Variants in PTPRD observed in about 807,000 individuals in gnomAD.
PTPRD encodes the protein receptor-type tyrosine-protein phosphatase delta.
PTPRD carries 34 observed loss-of-function variants against 214.5 expected under a neutral mutation model. The observed-to-expected ratio is 0.16, with a 90% CI of 0.12 to 0.21. PTPRD has a LOEUF of 0.21. Among genes scored for constraint, PTPRD ranks in the 10% least tolerant of loss-of-function variants. PTPRD has a pLI of 1.00. For missense variants in PTPRD, 2,545 were observed against 2,398.7 expected (o/e 1.06, Z -1.27); for synonymous variants, 1,128 against 845.7 (o/e 1.33, Z -5.79).
At chr9:9,179,903 G>C (rs1404285905) in intron 10 of PTPRD, among the ~76,000 whole-genome samples, 1 of 151,908 alleles carries the variant, frequency 6.6e-6, no homozygotes, top group Non-Finnish European at 1.5e-5. Flanking sequence ...TTTTCTGTGA[G>C]GAGTAAATGT....
intron 2 of PTPRD, among the ~76,000 whole-genome samples, chr9:10,413,323 G>A (rs78586105): frequency 0.026 from 3,889 of 151,866 alleles, 107 homozygotes; most frequent in East Asian, 0.094. Context: ...CAACGACCAA[G>A]TTGAAAGTCA....
intron 7 of PTPRD, among the ~76,000 whole-genome samples, chr9:9,585,793 TCATTTG>T (rs57619959): frequency 0.032 from 4,922 of 152,094 alleles, 219 homozygotes; most frequent in African/African-American, 0.1. Flanking sequence ...CAGCCATGCA[TCATTTG>T]CATTTGCCAG....
rs1252287346 is a variant in PTPRD, at chr9:10,092,013, C to T, written c.-544-58223G>A. ...TTTATAATGAGATTGTACATTTTGGCCTACACTTGACTCCTGTCCACAAGC... is the reference window on the plus strand; with the variant it reads ...TTTATAATGAGATTGTACATTTTGGTCTACACTTGACTCCTGTCCACAAGC... On this transcript the variant is annotated intron_variant, in intron 3 of 45. Coordinates refer to ENST00000381196, the MANE Select transcript of PTPRD (RefSeq NM_002839.4). 3.3e-5 allele frequency among the ~76,000 whole-genome samples: 5 copies of T among 151,288 alleles called. No homozygotes were observed. The East Asian group carries it at 9.8e-4, about 30-fold the overall frequency.
intron 5 of PTPRD, among the ~76,000 whole-genome samples, chr9:9,855,093 T>A (rs958788394): frequency 3.9e-5 from 6 of 152,210 alleles, no homozygotes; most frequent in Non-Finnish European, 7.4e-5. Context: ...TGATTCAACA[T>A]TGGAGTTGTC....
chr9:9,038,548 T>A (rs1432825379), intron 10 of PTPRD, among the ~76,000 whole-genome samples: 2 of 125,096 alleles, frequency 1.6e-5, no homozygotes, highest in African/African-American at 5.7e-5. Context: ...ATGTTTGTGA[T>A]AACGGTTTTT....
chr9:9,930,554 C>G (rs922291179), intron 5 of PTPRD, among the ~76,000 whole-genome samples: 5 of 152,028 alleles, frequency 3.3e-5, no homozygotes, highest in Admixed American at 2.0e-4. Flanking sequence ...AGCATTGAAA[C>G]AGAAGTAACT....
At chr9:10,121,004 A>AT (rs1204894905) in intron 3 of PTPRD, among the ~76,000 whole-genome samples, 3 of 152,164 alleles carry the variant, frequency 2.0e-5, no homozygotes, top group Non-Finnish European at 4.4e-5. Flanking sequence ...TATAATTATT[A>AT]TTTTTTATTG....
At chr9:8,728,862 C>G (rs996390927) in intron 12 of PTPRD, among the ~76,000 whole-genome samples, 1 of 151,990 alleles carries the variant, frequency 6.6e-6, no homozygotes, top group African/African-American at 2.4e-5. Flanking sequence ...GGCCTGTAAT[C>G]CCAGCTACTC....
At chr9:9,235,797 T>C (rs1282277811) in intron 9 of PTPRD, among the ~76,000 whole-genome samples, 1 of 152,206 alleles carries the variant, frequency 6.6e-6, no homozygotes, top group Non-Finnish European at 1.5e-5. Context: ...CAAATTCAGA[T>C]TAACATGAAA....
In PTPRD at chr9:8,316,903, G is replaced by C. The variant is rs539893036; in HGVS notation, c.*971C>G. On this transcript the variant is annotated 3_prime_UTR_variant, in exon 46 of 46. Coordinates refer to ENST00000381196, the MANE Select transcript of PTPRD (RefSeq NM_002839.4). Reference sequence around the variant, plus strand: ...TAAATCATGGAAGAACTGACTGACTGATAACTGTATCTATTTTTTGTGTGG... The same window carrying C: ...TAAATCATGGAAGAACTGACTGACTCATAACTGTATCTATTTTTTGTGTGG... 2.2e-5 allele frequency: 5 copies of C among 229,150 alleles called. No individual in the cohort carries two copies. The highest frequency in any genetic ancestry group is 4.3e-5 in the Non-Finnish European group (5 of 116,024). 14.2% of individuals were successfully genotyped at this position (229,150 alleles called of 1,614,324 possible).
intron 3 of PTPRD, among the ~76,000 whole-genome samples, chr9:10,073,773 G>C (rs1383505370): frequency 1.3e-5 from 2 of 152,098 alleles, no homozygotes; most frequent in East Asian, 1.9e-4. Context: ...ACAAGGGCCA[G>C]ATTATTCAAC....
intron 5 of PTPRD, among the ~76,000 whole-genome samples, chr9:9,905,464 T>C (rs1160621262): frequency 1.3e-5 from 2 of 151,976 alleles, no homozygotes; most frequent in Non-Finnish European, 2.9e-5. Flanking sequence ...GGTTTATGGC[T>C]ACATACAAAA....
At chr9:8,337,694 ATCTTCTTTTGTTTAT>A (rs970577569) in intron 43 of PTPRD, among the ~76,000 whole-genome samples, 2 of 151,822 alleles carry the variant, frequency 1.3e-5, no homozygotes, top group Non-Finnish European at 2.9e-5. Context: ...TCCGGTTTCA[ATCTTCTTTTGTTTAT>A]TGTGATCAGA....
At chr9:9,763,720 T>C (rs1003312059) in intron 6 of PTPRD, among the ~76,000 whole-genome samples, 24 of 152,238 alleles carry the variant, frequency 1.6e-4, no homozygotes, top group African/African-American at 5.5e-4. Context: ...TATCATTGTT[T>C]GACTTCAGAC....
At chr9:9,161,270 G>A (rs1184709155) in intron 10 of PTPRD, among the ~76,000 whole-genome samples, 1 of 152,106 alleles carries the variant, frequency 6.6e-6, no homozygotes, top group African/African-American at 2.4e-5. Context: ...CATTGTATAT[G>A]TATATCAAAA....
chr9:8,332,070 C>G (rs1188246319), intron 43 of PTPRD, among the ~76,000 whole-genome samples: 1 of 152,086 alleles, frequency 6.6e-6, no homozygotes, highest in Non-Finnish European at 1.5e-5. Context: ...GGTTCGTAAC[C>G]ATTCATCATG....
chr9:9,365,416 A>G (rs1162747709), intron 9 of PTPRD, among the ~76,000 whole-genome samples: 1 of 151,594 alleles, frequency 6.6e-6, no homozygotes, highest in Non-Finnish European at 1.5e-5. Context: ...ATTCACCTCT[A>G]TTTTACAATT....
intron 9 of PTPRD, among the ~76,000 whole-genome samples, chr9:9,318,685 T>C (rs1964748326): frequency 6.6e-6 from 1 of 152,174 alleles, no homozygotes; most frequent in Admixed American, 6.5e-5. Flanking sequence ...CAATTTCTAA[T>C]TATAGCCTAT....
intron 33 of PTPRD, among the ~76,000 whole-genome samples, chr9:8,456,364 G>A (rs1267513030): frequency 6.6e-6 from 1 of 152,100 alleles, no homozygotes; most frequent in South Asian, 2.1e-4. Flanking sequence ...AATGAGGCAG[G>A]CACCCAGAAA....
Sources: allele counts gnomAD v4.1 joint callset (sites outside exome capture counted in the v4.1 genomes callset), GRCh38; gene constraint gnomAD v4.1.1; transcripts MANE v1.5; gene names NCBI Gene and HGNC (gene_info 2026-07-23, HGNC 2026-07-21).